The following SYN2 variants were observed in gnomAD, a reference collection of about 807,000 sequenced individuals.
The protein encoded by SYN2 is synapsin II, also known as synapsin-2.
SYN2 carries 19 observed loss-of-function variants against 50.9 expected under a neutral mutation model. The observed-to-expected ratio is 0.37, with a 90% CI of 0.26 to 0.55. The LOEUF (loss-of-function observed/expected upper bound fraction) is 0.55, where lower values mean the gene tolerates loss of function less well. SYN2 is among the 20% of genes least tolerant of loss of function. The pLI, the probability that SYN2 is intolerant of heterozygous loss-of-function variation, is 0.81. For missense variants in SYN2, 587 were observed against 576.4 expected (o/e 1.02, Z -0.19); for synonymous variants, 255 against 224.9 (o/e 1.13, Z -1.20).
chr3:12,091,703 A>C (rs1487169253), intron 1 of SYN2, among the ~76,000 whole-genome samples: 2 of 152,198 alleles, frequency 1.3e-5, no homozygotes, highest in Non-Finnish European at 2.9e-5. Context: ...TTCTGTCAAA[A>C]TAGTTAAGCC....
Position 12,168,391 on chromosome 3 carries a change from G to A in SYN2, c.1071G>A (p.Val357=). Residue 357 remains valine (V), a synonymous_variant, in exon 9 of 13, where the codon GTG becomes GTA. Transcript: ENST00000621198. ...TCACCTCCAGGTACAAACTGTGGGTGGACACCTGCTCTGAGATGTTTGGCG... is the reference window on the plus strand; with the variant it reads ...TCACCTCCAGGTACAAACTGTGGGTAGACACCTGCTCTGAGATGTTTGGCG... ...IAMSDRYKLW[V]DTCSEMFGGL... is the part of the protein sequence containing the mutation. The A allele has an allele frequency of 6.2e-7, 1 of 1,613,658 alleles. No individual in the cohort carries two copies. Among genetic ancestry groups the A allele is most frequent in the Non-Finnish European group, 8.5e-7 (1 of 1,179,812 alleles).
chr3:12,019,426 T>C (rs1196324709), intron 1 of SYN2, among the ~76,000 whole-genome samples: 1 of 152,166 alleles, frequency 6.6e-6, no homozygotes, highest in African/African-American at 2.4e-5. Flanking sequence ...ACAGAAAAAC[T>C]TCTCTGACAC....
chr3:12,032,089 C>T (rs1346035147), intron 1 of SYN2, among the ~76,000 whole-genome samples: 3 of 121,348 alleles, frequency 2.5e-5, no homozygotes, highest in South Asian at 3.7e-4. Context: ...GTGACAAAAT[C>T]GGTCAGCATT....
chr3:12,095,911 T>G (rs1695922946), intron 1 of SYN2, among the ~76,000 whole-genome samples: 1 of 152,160 alleles, frequency 6.6e-6, no homozygotes, highest in Admixed American at 6.5e-5. Flanking sequence ...TTCAAATATC[T>G]GCATGACATC....
chr3:12,019,976 A>G (rs1487931364), intron 1 of SYN2, among the ~76,000 whole-genome samples: 1 of 152,226 alleles, frequency 6.6e-6, no homozygotes, highest in Non-Finnish European at 1.5e-5. Flanking sequence ...CACCAGGGAT[A>G]GATAAAAAAA....
intron 10 of SYN2, among the ~76,000 whole-genome samples, chr3:12,182,503 G>C (rs1698245291): frequency 6.6e-6 from 1 of 152,216 alleles, no homozygotes; most frequent in Non-Finnish European, 1.5e-5. Context: ...ATCACGGCTG[G>C]GAGAGGGAGC....
intron 1 of SYN2, among the ~76,000 whole-genome samples, chr3:12,055,672 T>G (rs59165906): frequency 6.6e-6 from 1 of 152,088 alleles, no homozygotes; most frequent in African/African-American, 2.4e-5. Flanking sequence ...AAGGCAGAAG[T>G]CTTTTACATA....
rs969792717 is a variant in SYN2, at chr3:12,153,718, G to A, written c.774+2392G>A. ...ACTGTGTAGCAGGTGGTGATCTAGA[G>A]TCATGGCCACACAACATTAAAGTGA... On this transcript the variant is annotated intron_variant, in intron 5 of 12. Coordinates refer to ENST00000621198, the MANE Select transcript of SYN2 (RefSeq NM_133625.6). 10 of 1,614,168 alleles carry A rather than the reference G, an allele frequency of 6.2e-6. 1 individual carries two copies. In the Admixed American group the frequency reaches 1.3e-4, roughly 22 times the overall value.
chr3:12,028,281 G>C (rs866957214), intron 1 of SYN2, among the ~76,000 whole-genome samples: 1 of 151,872 alleles, frequency 6.6e-6, no homozygotes, highest in Non-Finnish European at 1.5e-5. Context: ...ATCATCGTTG[G>C]ACATTTCGGT....
intron 1 of SYN2, among the ~76,000 whole-genome samples, chr3:12,034,302 C>T (rs897145136): frequency 1.3e-5 from 2 of 152,158 alleles, no homozygotes; most frequent in Non-Finnish European, 2.9e-5. Flanking sequence ...TGTCAGCTAT[C>T]TTTCCATGTG....
At chr3:12,036,030 A>G (rs996983771) in intron 1 of SYN2, among the ~76,000 whole-genome samples, 6 of 152,164 alleles carry the variant, frequency 3.9e-5, no homozygotes, top group African/African-American at 1.4e-4. Context: ...TGTTTATCAG[A>G]TGGCTCTTTG....
chr3:12,011,779 A>G (rs982038080), intron 1 of SYN2, among the ~76,000 whole-genome samples: 8 of 152,208 alleles, frequency 5.3e-5, no homozygotes, highest in African/African-American at 1.2e-4. Flanking sequence ...GGTCTACTAT[A>G]TATCAGGCAC....
chr3:12,019,377 T>C (rs1049166387), intron 1 of SYN2, among the ~76,000 whole-genome samples: 3 of 152,292 alleles, frequency 2.0e-5, no homozygotes, highest in African/African-American at 7.2e-5. Flanking sequence ...CTGGCAACCC[T>C]TTTTCAGGTT....
chr3:12,119,160 T>C (rs547558480), intron 1 of SYN2, among the ~76,000 whole-genome samples: 3 of 152,302 alleles, frequency 2.0e-5, no homozygotes, highest in South Asian at 4.1e-4. Flanking sequence ...TTCTTTTTCT[T>C]TGGTCCTTAG....
In SYN2 at chr3:12,169,796, G is replaced by C; in HGVS notation, c.1198G>C (p.Val400Leu). 6.2e-7 allele frequency: 1 copy of C among 1,613,944 alleles called. No homozygotes were observed. Among genetic ancestry groups the C allele is most frequent in the East Asian group, 2.2e-5 (1 of 44,874 alleles). Residue 400 changes from valine (V) to leucine (L), a missense_variant, in exon 10 of 13, where the codon GTG (valine) becomes CTG (leucine). Coordinates refer to ENST00000621198, the MANE Select transcript of SYN2 (RefSeq NM_133625.6). ...CATGCCACTGATTGGGGAACATCAGGTGGAGGACAGGCAACTCATCACCGA... is the reference window on the plus strand; with the variant it reads ...CATGCCACTGATTGGGGAACATCAGCTGGAGGACAGGCAACTCATCACCGA... ...CSMPLIGEHQ[V>L]EDRQLITELV...
intron 1 of SYN2, among the ~76,000 whole-genome samples, chr3:12,101,462 G>A (rs1696074217): frequency 6.6e-6 from 1 of 152,116 alleles, no homozygotes; most frequent in African/African-American, 2.4e-5. Flanking sequence ...AAATAAATTA[G>A]TGATTGTCGG....
chr3:12,102,610 C>G (rs1011264420), intron 1 of SYN2, among the ~76,000 whole-genome samples: 13 of 152,146 alleles, frequency 8.5e-5, no homozygotes, highest in African/African-American at 3.1e-4. Flanking sequence ...CCTTTCTTTT[C>G]CAGATTAGGC....
intron 1 of SYN2, among the ~76,000 whole-genome samples, chr3:12,066,662 T>C (rs1695223695): frequency 6.6e-6 from 1 of 152,160 alleles, no homozygotes; most frequent in South Asian, 2.1e-4. Flanking sequence ...AAAAAAAATA[T>C]GCTGGAGTTC....
intron 1 of SYN2, 133 bp downstream of exon 1, chr3:12,005,061 G>C (rs902839274): frequency 1.0e-5 from 4 of 386,530 alleles, no homozygotes; most frequent in South Asian, 1.0e-4. Flanking sequence ...CCCGCTGGGA[G>C]GAGGTGCGGG....
Sources: allele counts gnomAD v4.1 joint callset (sites outside exome capture counted in the v4.1 genomes callset), GRCh38; gene constraint gnomAD v4.1.1; transcripts MANE v1.5; gene names NCBI Gene and HGNC (gene_info 2026-07-23, HGNC 2026-07-21).